NALCN: variants seen among roughly 807,000 people sequenced by gnomAD.
The protein encoded by NALCN is sodium leak channel, non-selective, also known as sodium leak channel NALCN.
Under a neutral mutation model 225.3 loss-of-function variants are expected in NALCN, and 111 were observed. The observed-to-expected ratio is 0.49, with a 90% confidence interval of 0.42 to 0.58. NALCN has a LOEUF of 0.58. Ranked by LOEUF, NALCN falls within the 20% of genes least tolerant of loss-of-function variation. The pLI is 0.00. For missense variants in NALCN, 1,378 were observed against 2,202.4 expected (o/e 0.63, Z 7.49); for synonymous variants, 764 against 769.0 (o/e 0.99, Z 0.11).
chr13:101,378,546 G>A (rs376864867), intron 4 of NALCN, 24 bp downstream of exon 4: 2 of 1,570,714 alleles, frequency 1.3e-6, no homozygotes, highest in Non-Finnish European at 8.7e-7. Flanking sequence ...ATACCTGCTT[G>A]TAATTTAAAA....
intron 1 of NALCN, among the ~76,000 whole-genome samples, chr13:101,407,291 T>A (rs184289786): frequency 1.7e-3 from 264 of 152,326 alleles, no homozygotes; most frequent in Non-Finnish European, 3.4e-3. Context: ...GGTGGTAAAC[T>A]CCTTTATGGA....
At chr13:101,356,901 C>T (rs764531338) in intron 6 of NALCN, among the ~76,000 whole-genome samples, 5 of 152,128 alleles carry the variant, frequency 3.3e-5, no homozygotes, top group Non-Finnish European at 5.9e-5. Flanking sequence ...AATCAATAAA[C>T]GTAATTCATC....
chr13:101,358,071 T>C lies in NALCN; in HGVS notation c.645-12651A>G, dbSNP rs572377857. Among the ~76,000 whole-genome samples, 5 of 152,204 alleles carry C rather than the reference T, an allele frequency of 3.3e-5. No individual in the cohort carries two copies. In the South Asian group the frequency reaches 6.2e-4, roughly 19 times the overall value. ...GACTTAAATGTTAAACCCATAACCA[T>C]AAAAACCCTAGAAGAAAACTTAGGC... On this transcript the variant is annotated intron_variant, in intron 6 of 43. Coordinates refer to ENST00000251127, the MANE Select transcript of NALCN (RefSeq NM_052867.4).
intron 11 of NALCN, among the ~76,000 whole-genome samples, chr13:101,255,049 C>T (rs1314549008): frequency 2.0e-5 from 3 of 152,062 alleles, no homozygotes; most frequent in Non-Finnish European, 2.9e-5. Flanking sequence ...CCTCCCACAC[C>T]CTTTCTTATT....
chr13:101,356,251 T>TGAAGGAGA (rs2046056704), intron 6 of NALCN, among the ~76,000 whole-genome samples: 1 of 151,944 alleles, frequency 6.6e-6, no homozygotes, highest in South Asian at 2.1e-4. Context: ...ATTAATGAAT[T>TGAAGGAGA]CAGGAGCTAA....
intron 17 of NALCN, among the ~76,000 whole-genome samples, chr13:101,139,898 T>C (rs373116772): frequency 9.2e-5 from 14 of 152,220 alleles, no homozygotes; most frequent in African/African-American, 3.1e-4. Context: ...TCCTTATCAC[T>C]GAAATCCTTT....
chr13:101,124,771 T>C (rs2036153396), intron 17 of NALCN, 90 bp from the exon 18 acceptor site: 3 of 1,061,708 alleles, frequency 2.8e-6, no homozygotes, highest in Non-Finnish European at 4.3e-6. Flanking sequence ...TGTTAAAACA[T>C]GAAACATGAA....
chr13:101,382,905 C>T (rs1438604481), intron 3 of NALCN, among the ~76,000 whole-genome samples: 1 of 152,114 alleles, frequency 6.6e-6, no homozygotes, highest in Non-Finnish European at 1.5e-5. Flanking sequence ...TCAGAATTGA[C>T]CTCTTTTTAT....
At chr13:101,329,810 G>T (rs1242162522) in intron 7 of NALCN, among the ~76,000 whole-genome samples, 1 of 151,952 alleles carries the variant, frequency 6.6e-6, no homozygotes, top group Non-Finnish European at 1.5e-5. Context: ...AGGCTGAGGT[G>T]GGCAGATCAC....
At chr13:101,345,979 G>A (rs927213487) in intron 6 of NALCN, among the ~76,000 whole-genome samples, 3 of 146,792 alleles carry the variant, frequency 2.0e-5, no homozygotes, top group Non-Finnish European at 4.5e-5. Flanking sequence ...TATACGTGAC[G>A]TGTCTGTCTA....
chr13:101,107,759 G>A lies in NALCN; in HGVS notation c.2395C>T (p.Gln799Ter). ...ATCTTTATTTCACTGTCTTCTCTTTGTGCATTTCTATATCTCACTGTATTG... is the reference window on the plus strand; with the variant it reads ...ATCTTTATTTCACTGTCTTCTCTTTATGCATTTCTATATCTCACTGTATTG... ...HSNTVRYRNAQREDSEIKMIQ... is the reference protein window; with the variant it reads ...HSNTVRYRNA Residue 799 changes from glutamine to a stop codon, truncating the protein, a stop_gained, in exon 21 of 44, where the codon CAA becomes TAA. Coordinates refer to ENST00000251127, the MANE Select transcript of NALCN (RefSeq NM_052867.4). LOFTEE classifies it high-confidence loss of function. The A allele has an allele frequency of 6.2e-7, 1 of 1,613,380 alleles. No homozygotes were observed. Among genetic ancestry groups the A allele is most frequent in the Non-Finnish European group, 8.5e-7 (1 of 1,179,798 alleles).
chr13:101,321,622 T>A (rs2044749216), intron 7 of NALCN, among the ~76,000 whole-genome samples: 1 of 152,132 alleles, frequency 6.6e-6, no homozygotes, highest in South Asian at 2.1e-4. Context: ...AATACTCCAG[T>A]ATTAGTAATC....
At chr13:101,318,410 G>A (rs1166326718) in intron 7 of NALCN, among the ~76,000 whole-genome samples, 1 of 152,152 alleles carries the variant, frequency 6.6e-6, no homozygotes, top group African/African-American at 2.4e-5. Context: ...AGTGGTTTCA[G>A]GATCCCTAAG....
rs35072635 is a variant in NALCN, at chr13:101,233,339, A to ATTTTT, written c.1435-3760_1435-3756dup. 4.6e-4 allele frequency among the ~76,000 whole-genome samples: 64 copies of ATTTTT among 139,932 alleles called. 2 individuals are homozygous for ATTTTT. The highest frequency in any genetic ancestry group is 1.7e-3 in the African/African-American group (62 of 37,344). 91.8% of individuals were successfully genotyped at this position (139,932 alleles called of 152,430 possible). ...TCTGAAATTCATGTTCTTGGGAAGAATTTTTTTTTTTTTTTTTGTGAGACG... is the reference window on the plus strand; with the variant it reads ...TCTGAAATTCATGTTCTTGGGAAGAATTTTTTTTTTTTTTTTTTTTTTGTGAGACG... On this transcript the variant is annotated intron_variant, in intron 12 of 43. Coordinates refer to ENST00000251127, the MANE Select transcript of NALCN (RefSeq NM_052867.4).
intron 13 of NALCN, among the ~76,000 whole-genome samples, chr13:101,209,991 A>G (rs1361992290): frequency 6.6e-6 from 1 of 152,248 alleles, no homozygotes; most frequent in Non-Finnish European, 1.5e-5. Context: ...GAAAACTAAA[A>G]TAACAACACA....
chr13:101,328,056 T>C (rs956652630), intron 7 of NALCN, among the ~76,000 whole-genome samples: 3 of 152,332 alleles, frequency 2.0e-5, no homozygotes, highest in African/African-American at 4.8e-5. Flanking sequence ...AAGCAGGATT[T>C]GACCCACTGG....
chr13:101,256,873 C>T (rs2042248277), intron 11 of NALCN, among the ~76,000 whole-genome samples: 1 of 150,760 alleles, frequency 6.6e-6, no homozygotes. Context: ...AAGTGATTCT[C>T]CTGCCTCAGC....
At chr13:101,167,575 G>A (rs1285354648) in intron 15 of NALCN, among the ~76,000 whole-genome samples, 5 of 152,106 alleles carry the variant, frequency 3.3e-5, no homozygotes, top group African/African-American at 9.7e-5. Flanking sequence ...GGTGGTTCAC[G>A]CCTGTAATCC....
At chr13:101,230,828 A>G (rs2041315306) in intron 12 of NALCN, among the ~76,000 whole-genome samples, 1 of 144,278 alleles carries the variant, frequency 6.9e-6, no homozygotes, top group Non-Finnish European at 1.6e-5. Flanking sequence ...CTCTATATAT[A>G]CACGCATGTA....
Sources: gnomAD v4.1 joint callset for allele counts (sites outside exome capture counted in the v4.1 genomes callset) on GRCh38, gnomAD v4.1.1 for gene constraint, MANE v1.5 for transcripts, NCBI Gene and HGNC (gene_info 2026-07-23, HGNC 2026-07-21) for gene names.